Variants in LRCH1 observed in about 807,000 individuals in gnomAD.
LRCH1 encodes the protein leucine rich repeats and calponin homology domain containing 1.
In LRCH1, 23 loss-of-function variants were observed where a neutral mutation model predicts 94.9. The observed-to-expected ratio is 0.24, with a 90% CI of 0.17 to 0.34. The LOEUF is 0.34. LRCH1 is among the 10% of genes least tolerant of loss of function. The pLI is 1.00. For missense variants in LRCH1, 790 were observed against 945.9 expected, an observed-to-expected ratio of 0.84 and a Z score of 2.16; for synonymous variants, 364 against 354.9, an observed-to-expected ratio of 1.03 and a Z score of -0.29.
chr13:46,553,926 A>G (rs1011710408), intron 1 of LRCH1, among the ~76,000 whole-genome samples: 2 of 152,218 alleles, frequency 1.3e-5, no homozygotes, highest in Non-Finnish European at 2.9e-5. Context: ...CCAGGAGGGC[A>G]GGGGTGCGCC....
chr13:46,746,388 A>G (rs1319714794), downstream of LRCH1, among the ~76,000 whole-genome samples: 4 of 152,254 alleles, frequency 2.6e-5, no homozygotes, highest in African/African-American at 9.6e-5. Flanking sequence ...GTGGCTCAGA[A>G]GGGTGGATGA....
intron 3 of LRCH1, among the ~76,000 whole-genome samples, chr13:46,676,130 A>G (rs1046596442): frequency 3.3e-5 from 5 of 152,158 alleles, no homozygotes; most frequent in East Asian, 3.9e-4. Context: ...GCATGGTGGC[A>G]TGCACCTGTA....
chr13:46,738,806 A>G (rs9595525), intron 19 of LRCH1, among the ~76,000 whole-genome samples: 36,566 of 152,068 alleles, frequency 0.24, 5,780 homozygotes, highest in African/African-American at 0.45. Context: ...AAAACAGCCA[A>G]TCTATCTCTT....
At position 46,686,003 on chromosome 13, in the gene LRCH1, C is replaced by A. The variant is rs1394178755; in HGVS notation, c.784C>A (p.Leu262Ile). 6.2e-7 allele frequency: 1 copy of A among 1,609,610 alleles called. No homozygotes were observed. Among genetic ancestry groups the A allele is most frequent in the South Asian group, 1.1e-5 (1 of 89,642 alleles). The change falls in exon 5 of 20, where the codon CTA (leucine) becomes ATA (isoleucine). Residue 262 changes from leucine to isoleucine, a missense_variant. Leu to Ile is a conservative substitution (Grantham distance 5, BLOSUM62 2). Coordinates refer to ENST00000389797, the MANE Select transcript of LRCH1 (RefSeq NM_001164211.2). ...AGAGATGAAGCAGCTGCAAGTGTTA[C>A]TACTTGAGAATAACCCTCTGCAGTC... ...FREMKQLQVL[L>I]LENNPLQSPP...
chr13:46,690,624 C>A (rs1439119503), intron 7 of LRCH1, among the ~76,000 whole-genome samples: 1 of 152,086 alleles, frequency 6.6e-6, no homozygotes, highest in Non-Finnish European at 1.5e-5. Flanking sequence ...TGGAATTTTG[C>A]TAAATTTTTA....
At chr13:46,727,151 A>G (rs1344510767) in intron 17 of LRCH1, among the ~76,000 whole-genome samples, 1 of 152,254 alleles carries the variant, frequency 6.6e-6, no homozygotes, top group Non-Finnish European at 1.5e-5. Context: ...ACCCCAGCAG[A>G]GAACTAGAAA....
At chr13:46,701,465 G>A (rs1166255347) in intron 11 of LRCH1, among the ~76,000 whole-genome samples, 1 of 152,120 alleles carries the variant, frequency 6.6e-6, no homozygotes, top group Non-Finnish European at 1.5e-5. Flanking sequence ...TCATATGGGA[G>A]TTTTTGGTAA....
At chr13:46,563,796 T>G (rs1381703821) in intron 1 of LRCH1, among the ~76,000 whole-genome samples, 1 of 152,140 alleles carries the variant, frequency 6.6e-6, no homozygotes, top group African/African-American at 2.4e-5. Context: ...ATTTAATAGC[T>G]GAGGACACTA....
chr13:46,701,881 T>C (rs1218448694), intron 11 of LRCH1, among the ~76,000 whole-genome samples: 1 of 152,200 alleles, frequency 6.6e-6, no homozygotes, highest in African/African-American at 2.4e-5. Flanking sequence ...GATGTGGTCT[T>C]ATAATATGAT....
intron 19 of LRCH1, among the ~76,000 whole-genome samples, chr13:46,734,811 CTTCT>C (rs1873287594): frequency 1.3e-5 from 2 of 152,268 alleles, no homozygotes; most frequent in Middle Eastern, 3.4e-3. Context: ...CTTATGATTT[CTTCT>C]TTCTTAATGC....
At chr13:46,591,663 G>T (rs2050500676) in intron 1 of LRCH1, among the ~76,000 whole-genome samples, 1 of 152,182 alleles carries the variant, frequency 6.6e-6, no homozygotes, top group Non-Finnish European at 1.5e-5. Flanking sequence ...AGACCAGGAA[G>T]GGGCCCTAGA....
chr13:46,658,118 C>A (rs1566205210), intron 2 of LRCH1, among the ~76,000 whole-genome samples: 1 of 152,116 alleles, frequency 6.6e-6, no homozygotes, highest in Non-Finnish European at 1.5e-5. Flanking sequence ...TCCAAGGGAA[C>A]AACATCAGTA....
intron 1 of LRCH1, among the ~76,000 whole-genome samples, chr13:46,574,576 T>A (rs2050280472): frequency 6.6e-6 from 1 of 152,208 alleles, no homozygotes; most frequent in Non-Finnish European, 1.5e-5. Context: ...TTTTTTTCTT[T>A]ATCCATTAGA....
intron 13 of LRCH1, among the ~76,000 whole-genome samples, chr13:46,711,016 C>A (rs1221907013): frequency 1.3e-5 from 2 of 152,098 alleles, no homozygotes; most frequent in Non-Finnish European, 2.9e-5. Flanking sequence ...CTCAGGCACC[C>A]CATAAATAAT....
chr13:46,694,772 A>G (rs1871087610), intron 8 of LRCH1, 121 bp from the exon 9 acceptor site: 6 of 1,077,474 alleles, frequency 5.6e-6, no homozygotes, highest in South Asian at 5.0e-5. Context: ...GGTTTTTCAT[A>G]TACCTTCTTC....
At chr13:46,653,641 A>G (rs1244138970) in intron 2 of LRCH1, among the ~76,000 whole-genome samples, 4 of 151,884 alleles carry the variant, frequency 2.6e-5, no homozygotes, top group Admixed American at 2.0e-4. Flanking sequence ...CCTGGGCAAC[A>G]TGTTGAAACC....
Position 46,553,280 on chromosome 13 carries a change from C to A in LRCH1, c.-117C>A, listed in dbSNP as rs1034987238. 1.3e-5 allele frequency: 10 copies of A among 775,092 alleles called. No homozygotes were observed. The highest frequency in any genetic ancestry group is 1.2e-4 in the African/African-American group (7 of 56,276). The allele number at this position is 775,092 out of a possible 1,614,324, so 48.0% of individuals were successfully genotyped here. On this transcript the variant is annotated 5_prime_UTR_variant, in exon 1 of 20. Coordinates refer to ENST00000389797, the MANE Select transcript of LRCH1 (RefSeq NM_001164211.2). ...TGCCCACACCCTCCTCCCCTCCTTC[C>A]AGCGCCTTTCGGTGGAGCACTGCGG...
chr13:46,602,451 G>C (rs1045961952), intron 1 of LRCH1, among the ~76,000 whole-genome samples: 3 of 152,134 alleles, frequency 2.0e-5, no homozygotes, highest in African/African-American at 4.8e-5. Context: ...GCCCCCTGCT[G>C]TTTACTGTGT....
intron 1 of LRCH1, among the ~76,000 whole-genome samples, chr13:46,614,237 T>C (rs1199403459): frequency 6.6e-6 from 1 of 152,190 alleles, no homozygotes; most frequent in African/African-American, 2.4e-5. Context: ...ACTGCATCTT[T>C]GTATGCTTTG....
Sources: gnomAD v4.1 joint callset for allele counts (sites outside exome capture counted in the v4.1 genomes callset) on GRCh38, gnomAD v4.1.1 for gene constraint, MANE v1.5 for transcripts, NCBI Gene and HGNC (gene_info 2026-07-23, HGNC 2026-07-21) for gene names.